Variants in MACROD2 observed in about 807,000 individuals in gnomAD.
MACROD2 encodes ADP-ribose glycohydrolase MACROD2.
Under a neutral mutation model 70.4 loss-of-function variants are expected in MACROD2, and 36 were observed. The observed-to-expected ratio is 0.51, with a 90% confidence interval of 0.39 to 0.68. The LOEUF (loss-of-function observed/expected upper bound fraction) is 0.68. MACROD2 is among the 30% of genes least tolerant of loss of function. The pLI, the probability that MACROD2 is intolerant of heterozygous loss-of-function variation, is 0.00. For missense variants in MACROD2, 496 were observed against 538.4 expected (o/e 0.92, Z 0.78); for synonymous variants, 172 against 178.8 (o/e 0.96, Z 0.30).
At chr20:14,086,430 T>C (rs2054077259) in intron 3 of MACROD2, among the ~76,000 whole-genome samples, 2 of 152,208 alleles carry the variant, frequency 1.3e-5, no homozygotes, top group Admixed American at 1.3e-4. Context: ...GTTAGGCTGT[T>C]TGAAGTTTGC....
rs2071684523 is a variant in MACROD2, at chr20:14,737,726, A to G, written c.418+52767A>G. 3.3e-5 allele frequency among the ~76,000 whole-genome samples: 5 copies of G among 151,906 alleles called. No homozygotes were observed. In the South Asian group the frequency reaches 8.3e-4, roughly 25 times the overall value. On this transcript the variant is annotated intron_variant, in intron 5 of 17. Transcript: ENST00000684519. ...CCAGTGATGATGAGCTTTTTTTCATATGTTCATTGGCCACATAAATGTTTT... is the reference window on the plus strand; with the variant it reads ...CCAGTGATGATGAGCTTTTTTTCATGTGTTCATTGGCCACATAAATGTTTT...
intron 4 of MACROD2, among the ~76,000 whole-genome samples, chr20:14,528,443 C>T (rs540729689): frequency 8.6e-5 from 13 of 152,006 alleles, no homozygotes; most frequent in South Asian, 4.2e-4. Context: ...TGTGAGCCAC[C>T]GTGCCTGGAC....
intron 3 of MACROD2, among the ~76,000 whole-genome samples, chr20:14,434,169 A>T (rs951897949): frequency 6.6e-6 from 1 of 152,176 alleles, no homozygotes; most frequent in Non-Finnish European, 1.5e-5. Flanking sequence ...TTCTAATTTA[A>T]ATTCTCAAAT....
intron 15 of MACROD2, among the ~76,000 whole-genome samples, chr20:16,020,497 G>C (rs1158717660): frequency 6.6e-6 from 1 of 151,468 alleles, no homozygotes; most frequent in African/African-American, 2.4e-5. Flanking sequence ...GTGGAAGGAA[G>C]ACTGTTTCTT....
At chr20:14,387,314 T>G (rs925591365) in intron 3 of MACROD2, among the ~76,000 whole-genome samples, 2 of 152,338 alleles carry the variant, frequency 1.3e-5, no homozygotes, top group African/African-American at 4.8e-5. Flanking sequence ...AGGATTGCTG[T>G]TGTTAACTTG....
At chr20:15,161,470 G>A (rs945565145) in intron 5 of MACROD2, among the ~76,000 whole-genome samples, 20 of 151,550 alleles carry the variant, frequency 1.3e-4, no homozygotes, top group East Asian at 1.9e-4. Flanking sequence ...TAAAATCTTC[G>A]TGTGTTTCTT....
At chr20:14,000,064 A>C (rs371399728) in intron 1 of MACROD2, among the ~76,000 whole-genome samples, 1 of 152,308 alleles carries the variant, frequency 6.6e-6, no homozygotes. Flanking sequence ...AGGAACTTGC[A>C]CCCATGGTGA....
chr20:15,706,424 C>G (rs1197935121), intron 8 of MACROD2, among the ~76,000 whole-genome samples: 1 of 152,162 alleles, frequency 6.6e-6, no homozygotes, highest in Non-Finnish European at 1.5e-5. Context: ...TGGTTACGCA[C>G]TGTGAGAAGT....
chr20:15,416,838 G>A lies in MACROD2; in HGVS notation c.541-14567G>A, dbSNP rs566013724. 2.6e-5 allele frequency among the ~76,000 whole-genome samples: 4 copies of A among 152,108 alleles called. No individual in the cohort carries two copies. In the East Asian group the frequency reaches 5.8e-4, roughly 22 times the overall value. On this transcript the variant is annotated intron_variant, in intron 6 of 17. Transcript: ENST00000684519. The stretch of plus-strand genomic sequence containing the variant: ...GAATGGCGTGAACCCGGGAGGCAGA[G>A]CTTGCAGTGAGCCGAGATCGCGCCA...
At chr20:14,705,595 T>C (rs1432027610) in intron 5 of MACROD2, among the ~76,000 whole-genome samples, 1 of 152,174 alleles carries the variant, frequency 6.6e-6, no homozygotes, top group East Asian at 1.9e-4. Context: ...CCATCTATTT[T>C]ATGGGAGTAA....
intron 3 of MACROD2, among the ~76,000 whole-genome samples, chr20:14,375,885 C>A (rs969609410): frequency 6.6e-6 from 1 of 152,138 alleles, no homozygotes; most frequent in African/African-American, 2.4e-5. Flanking sequence ...AATGGCAAAT[C>A]AATATTTAAC....
chr20:15,550,363 T>C (rs1215696385), intron 8 of MACROD2, among the ~76,000 whole-genome samples: 2 of 147,106 alleles, frequency 1.4e-5, no homozygotes, highest in Non-Finnish European at 3.0e-5. Context: ...TAAAAATGTG[T>C]CTTATTATTT....
At chr20:14,342,153 C>T (rs948861452) in intron 3 of MACROD2, among the ~76,000 whole-genome samples, 6 of 152,146 alleles carry the variant, frequency 3.9e-5, no homozygotes, top group African/African-American at 1.4e-4. Context: ...GCAGGAGCTG[C>T]AGATAAGCCC....
At chr20:14,153,803 T>G (rs1331421508) in intron 3 of MACROD2, among the ~76,000 whole-genome samples, 1 of 152,214 alleles carries the variant, frequency 6.6e-6, no homozygotes, top group African/African-American at 2.4e-5. Flanking sequence ...TTTAGTTTTA[T>G]GTATGTTATT....
At chr20:14,558,928 A>C (rs913875332) in intron 4 of MACROD2, among the ~76,000 whole-genome samples, 20 of 151,642 alleles carry the variant, frequency 1.3e-4, no homozygotes, top group Non-Finnish European at 1.8e-4. Context: ...TAATCATAGA[A>C]CTTACAGTGA....
intron 8 of MACROD2, among the ~76,000 whole-genome samples, chr20:15,537,220 T>C (rs2047888269): frequency 6.6e-6 from 1 of 152,164 alleles, no homozygotes; most frequent in African/African-American, 2.4e-5. Context: ...TCTCATTTTC[T>C]CTTATCTGCC....
chr20:13,997,527 A>C (rs2052679810), intron 1 of MACROD2, among the ~76,000 whole-genome samples: 1 of 152,230 alleles, frequency 6.6e-6, no homozygotes, highest in East Asian at 1.9e-4. Context: ...CATAATAGAA[A>C]AACAGTGTTC....
chr20:15,867,833 TA>T (rs1394490536), intron 9 of MACROD2, among the ~76,000 whole-genome samples: 3 of 152,186 alleles, frequency 2.0e-5, no homozygotes, highest in Non-Finnish European at 4.4e-5. Context: ...CTTGTCATGG[TA>T]AACCCTCCTT....
chr20:15,172,298 C>T (rs964680922), intron 5 of MACROD2, among the ~76,000 whole-genome samples: 2 of 152,008 alleles, frequency 1.3e-5, no homozygotes, highest in African/African-American at 4.8e-5. Context: ...TTAAAGAAGG[C>T]CAAAAATCTG....
Sources: gnomAD v4.1 joint callset for allele counts (sites outside exome capture counted in the v4.1 genomes callset) on GRCh38, gnomAD v4.1.1 for gene constraint, MANE v1.5 for transcripts, NCBI Gene and HGNC (gene_info 2026-07-23, HGNC 2026-07-21) for gene names.